DCBLD1: variants seen among roughly 807,000 people sequenced by gnomAD.
The protein encoded by DCBLD1 is discoidin, CUB and LCCL domain containing 1.
In DCBLD1, 57 loss-of-function variants were observed where a neutral mutation model predicts 71.5. That is an observed-to-expected ratio of 0.80 (90% CI 0.64 to 0.99). DCBLD1 has a LOEUF of 0.99. DCBLD1 is among the 50% of genes least tolerant of loss of function. The probability of loss-of-function intolerance (pLI) is 0.00; values close to 1 mark genes in which losing one functional copy is unlikely to be tolerated. For synonymous variants in DCBLD1, 380 were observed against 363.8 expected (o/e 1.04, Z -0.51); for missense variants, 891 against 923.5 (o/e 0.96, Z 0.46).
intron 1 of DCBLD1, among the ~76,000 whole-genome samples, chr6:117,501,812 G>GAGCC (rs1777670867): frequency 6.6e-6 from 1 of 152,088 alleles, no homozygotes; most frequent in Non-Finnish European, 1.5e-5. Context: ...AACTGCCAGG[G>GAGCC]AGCCCAAGGA....
At chr6:117,504,779 G>C (rs1258224131) in intron 2 of DCBLD1, among the ~76,000 whole-genome samples, 1 of 152,174 alleles carries the variant, frequency 6.6e-6, no homozygotes, top group Non-Finnish European at 1.5e-5. Flanking sequence ...GCTCAGGTTG[G>C]ACAATTTGAA....
intron 2 of DCBLD1, 131 bp from the exon 3 acceptor site, chr6:117,519,685 G>A: frequency 1.6e-6 from 2 of 1,219,282 alleles, no homozygotes; most frequent in Middle Eastern, 2.7e-4. Flanking sequence ...CTAAATTTCA[G>A]TTGGTAAAGA....
At position 117,547,934 on chromosome 6, in the gene DCBLD1, C is replaced by T; in HGVS notation, c.1643C>T (p.Thr548Ile). The T allele has an allele frequency of 6.4e-7, 1 of 1,550,586 alleles. No individual in the cohort carries two copies. Reference protein sequence around the residue: ...ADYQQPLMIGTGTVTRKGSTF... With the variant: ...ADYQQPLMIGIGTVTRKGSTF... ...TACCAGCAGCCCCTCATGATTGGCA[C>T]CGGGACAGTCACGAGGAAGGGCTCC... The change falls in exon 15 of 15, where the codon ACC becomes ATC. Residue 548 changes from threonine to isoleucine, a missense_variant. Transcript: ENST00000338728.
At chr6:117,507,710 C>T (rs1562438991) in intron 2 of DCBLD1, among the ~76,000 whole-genome samples, 1 of 152,140 alleles carries the variant, frequency 6.6e-6, no homozygotes, top group Non-Finnish European at 1.5e-5. Context: ...GTCCTGACTT[C>T]TCAGTCTTCC....
chr6:117,548,667 G>A lies in DCBLD1; in HGVS notation c.*228G>A. ...GGGTGCGTCTGTTGGGTTTTGTTGG[G>A]CTAGAAAAATGAAAATTTTCAGATG... On this transcript the variant is annotated 3_prime_UTR_variant, in exon 15 of 15. Transcript: ENST00000338728. 1 of 1,414,534 alleles carries A rather than the reference G, an allele frequency of 7.1e-7. No individual in the cohort carries two copies. Among genetic ancestry groups the A allele is most frequent in the South Asian group, 1.6e-5 (1 of 63,746 alleles). 87.6% of individuals were successfully genotyped at this position (1,414,534 alleles called of 1,614,324 possible). A position where few individuals can be genotyped will look rare whatever the true frequency, so the allele number is the denominator to read the frequency against.
chr6:117,509,422 C>T (rs1337047963), intron 2 of DCBLD1, among the ~76,000 whole-genome samples: 1 of 152,126 alleles, frequency 6.6e-6, no homozygotes, highest in African/African-American at 2.4e-5. Flanking sequence ...CAGACGGAGA[C>T]ACTGTCTCAA....
At chr6:117,511,027 A>G (rs1426297912) in intron 2 of DCBLD1, among the ~76,000 whole-genome samples, 1 of 152,118 alleles carries the variant, frequency 6.6e-6, no homozygotes, top group Non-Finnish European at 1.5e-5. Flanking sequence ...TGCTTGTAAG[A>G]TCACTTAGCG....
In DCBLD1 at chr6:117,538,696, T is replaced by G. The variant is rs766457761; in HGVS notation, c.837T>G (p.Ser279Arg). Residue 279 changes from serine (S) to arginine (R), a missense_variant, in exon 8 of 15, where the codon AGT (serine) becomes AGG (arginine). Transcript: ENST00000338728. ...CCTCATGGCAGTCGGTCAATGAGAG[T>G]GGAGACCAAGTTCACTGGTCTCCTG... is the stretch of plus-strand genomic sequence containing the variant. ...ASSSWQSVNE[S>R]GDQVHWSPGQ... 6 of 1,614,096 alleles carry G rather than the reference T, an allele frequency of 3.7e-6. No homozygotes were observed. The highest frequency in any genetic ancestry group is 4.2e-6 in the Non-Finnish European group (5 of 1,180,014).
At chr6:117,497,157 CACTCCAGCCTGGGCG>C (rs2114397688) in intron 1 of DCBLD1, among the ~76,000 whole-genome samples, 1 of 152,230 alleles carries the variant, frequency 6.6e-6, no homozygotes, top group African/African-American at 2.4e-5. Context: ...TGCGCCACTG[CACTCCAGCCTGGGCG>C]ACAGAGCAAG....
At chr6:117,512,614 G>A (rs1041625812) in intron 2 of DCBLD1, among the ~76,000 whole-genome samples, 2 of 152,144 alleles carry the variant, frequency 1.3e-5, no homozygotes, top group Non-Finnish European at 2.9e-5. Flanking sequence ...TCTGGGCCAC[G>A]AGAAGTACCA....
intron 1 of DCBLD1, among the ~76,000 whole-genome samples, chr6:117,496,606 C>T (rs1408963719): frequency 6.6e-6 from 1 of 152,080 alleles, no homozygotes; most frequent in South Asian, 2.1e-4. Flanking sequence ...TTTCTCACAC[C>T]CACACATGGA....
intron 5 of DCBLD1, among the ~76,000 whole-genome samples, chr6:117,528,740 G>GT (rs570146160): frequency 1.9e-4 from 29 of 152,290 alleles, no homozygotes; most frequent in African/African-American, 6.7e-4. Flanking sequence ...ACATTATTCT[G>GT]TTTAAGTATA....
At chr6:117,518,716 T>A (rs1778289120) in intron 2 of DCBLD1, among the ~76,000 whole-genome samples, 1 of 152,026 alleles carries the variant, frequency 6.6e-6, no homozygotes, top group Non-Finnish European at 1.5e-5. Context: ...AACCATCAGA[T>A]CTCATGAGAC....
chr6:117,543,491 A>G (rs1779168452), intron 12 of DCBLD1, among the ~76,000 whole-genome samples: 1 of 152,038 alleles, frequency 6.6e-6, no homozygotes. Context: ...CCCTGCCTCA[A>G]CCTCCTGAGT....
intron 1 of DCBLD1, chr6:117,503,560 A>G (rs1289342197): frequency 8.7e-6 from 5 of 577,776 alleles, no homozygotes; most frequent in Non-Finnish European, 1.5e-5. Context: ...TTTGATCAAC[A>G]AGAAGATAAA....
intron 14 of DCBLD1, 71 bp downstream of exon 14, chr6:117,545,668 GAAAT>G (rs1436816639): frequency 4.5e-6 from 7 of 1,544,880 alleles, no homozygotes; most frequent in Admixed American, 2.0e-5. Context: ...AGACAGGAGA[GAAAT>G]AAGGCAAAAT....
intron 2 of DCBLD1, among the ~76,000 whole-genome samples, chr6:117,513,653 G>T (rs1445053112): frequency 6.6e-6 from 1 of 152,182 alleles, no homozygotes; most frequent in Non-Finnish European, 1.5e-5. Context: ...AAGTCCAAGT[G>T]CTATAAAACA....
chr6:117,503,980 G>T lies in DCBLD1; in HGVS notation c.325+1G>T, dbSNP rs1777753399. On this transcript the variant is annotated splice_donor_variant, in intron 2 of 14. Coordinates refer to ENST00000338728, the MANE Select transcript of DCBLD1 (RefSeq NM_001366458.2). LOFTEE classifies it high-confidence loss of function. ...TTCACCAGCTCTTCAGATCAATATG[G>T]TAAGAAAAGAGAACTAGGTTTCTCT... 1 of 1,613,876 alleles carries T rather than the reference G, an allele frequency of 6.2e-7. No individual in the cohort carries two copies.
intron 9 of DCBLD1, 48 bp from the exon 10 acceptor site, chr6:117,540,620 A>G (rs542659879): frequency 6.2e-7 from 1 of 1,609,288 alleles, no homozygotes; most frequent in Non-Finnish European, 8.5e-7. Context: ...ATAAACACCT[A>G]AAAACTCACT....
Sources: gnomAD v4.1 joint callset for allele counts (sites outside exome capture counted in the v4.1 genomes callset) on GRCh38, gnomAD v4.1.1 for gene constraint, MANE v1.5 for transcripts, NCBI Gene and HGNC (gene_info 2026-07-23, HGNC 2026-07-21) for gene names.